Variants in COMMD9 observed in about 807,000 individuals in gnomAD.
COMMD9 encodes the protein COMM domain-containing protein 9.
In COMMD9, 22 loss-of-function variants were observed where a neutral mutation model predicts 23.4. That is an observed-to-expected ratio of 0.94 (90% CI 0.67 to 1.34). The LOEUF is 1.34. COMMD9 is among the 40% of genes most tolerant of loss of function. The probability of loss-of-function intolerance (pLI) is 0.00; values close to 1 mark genes in which losing one functional copy is unlikely to be tolerated. For synonymous variants in COMMD9, 99 were observed against 97.4 expected (o/e 1.02, Z -0.10); for missense variants, 231 against 240.2 (o/e 0.96, Z 0.25).
At chr11:36,286,410 A>AAAAAAAAAAAAAAG (rs1285648187) in intron 1 of COMMD9, among the ~76,000 whole-genome samples, 10 of 104,824 alleles carry the variant, frequency 9.5e-5, no homozygotes, top group African/African-American at 1.2e-4. Context: ...AAAAAAAAAA[A>AAAAAAAAAAAAAAG]AAAGAAAGAA....
intron 1 of COMMD9, among the ~76,000 whole-genome samples, chr11:36,281,051 A>C (rs1200664094): frequency 6.6e-6 from 1 of 152,226 alleles, no homozygotes; most frequent in Non-Finnish European, 1.5e-5. Context: ...GAAAACATAC[A>C]TAAGACTCTG....
At chr11:36,277,240 A>G in intron 3 of COMMD9, 117 bp from the exon 4 acceptor site, 1 of 599,038 alleles carries the variant, frequency 1.7e-6, no homozygotes. Context: ...ACCTGCTAAC[A>G]GGAAAGGACC....
chr11:36,285,745 A>G (rs145267659), intron 1 of COMMD9, among the ~76,000 whole-genome samples: 1,629 of 152,308 alleles, frequency 0.011, 25 homozygotes, highest in African/African-American at 0.038. Flanking sequence ...AGGCTGGTTC[A>G]GTATTTGCAA....
chr11:36,276,086 C>T lies in COMMD9; in HGVS notation c.456+51G>A, dbSNP rs371134786. 182 of 1,334,362 alleles carry T rather than the reference C, an allele frequency of 1.4e-4. 1 individual carries two copies. The highest frequency in any genetic ancestry group is 5.0e-4 in the South Asian group (43 of 85,150). 82.7% of individuals were successfully genotyped at this position (1,334,362 alleles called of 1,614,324 possible). ...AAACCTTGGAGACTAGTGTTTTAGA[C>T]GGCCATAGGGGTGCTGCCTCTTCTT... On this transcript the variant is annotated intron_variant, in intron 5 of 5. Coordinates refer to ENST00000263401, the MANE Select transcript of COMMD9 (RefSeq NM_014186.4).
chr11:36,278,746 T>C lies in COMMD9; in HGVS notation c.178-130A>G, dbSNP rs575707412. On this transcript the variant is annotated intron_variant, in intron 2 of 5. Coordinates refer to ENST00000263401, the MANE Select transcript of COMMD9 (RefSeq NM_014186.4). ...TATGGTCATTCAACTGAGTCACAAGTCCAGAGGCCTCTGTGGCACATGCTC... is the reference window on the plus strand; with the variant it reads ...TATGGTCATTCAACTGAGTCACAAGCCCAGAGGCCTCTGTGGCACATGCTC... 32 of 850,264 alleles carry C rather than the reference T, an allele frequency of 3.8e-5. 1 individual carries two copies. The South Asian group carries it at 5.7e-4, about 15-fold the overall frequency. The allele number at this position is 850,264 out of a possible 1,614,324, so 52.7% of individuals were successfully genotyped here.
chr11:36,277,019 C>G, intron 4 of COMMD9, 70 bp downstream of exon 4: 1 of 1,365,506 alleles, frequency 7.3e-7, no homozygotes, highest in Non-Finnish European at 1.0e-6. Flanking sequence ...AATCTCTGAT[C>G]ACTTGGCAGA....
chr11:36,279,001 C>T (rs1856021916), intron 2 of COMMD9, among the ~76,000 whole-genome samples: 1 of 152,170 alleles, frequency 6.6e-6, no homozygotes, highest in Non-Finnish European at 1.5e-5. Context: ...CTAAGCAACA[C>T]TGCATTGGTC....
rs1855911466 is a variant in COMMD9, at chr11:36,273,444, GTAACAAGCACATA to G, written c.*1175_*1187del. The G allele has an allele frequency of 6.6e-6, 1 of 152,176 alleles. No individual in the cohort carries two copies. The highest frequency in any genetic ancestry group is 1.5e-5 in the Non-Finnish European group (1 of 68,030). 9.4% of individuals were successfully genotyped at this position (152,176 alleles called of 1,614,324 possible). On this transcript the variant is annotated 3_prime_UTR_variant, in exon 6 of 6. Coordinates refer to ENST00000263401, the MANE Select transcript of COMMD9 (RefSeq NM_014186.4). The stretch of plus-strand genomic sequence containing the variant: ...AAGGAGTGCCTTCATCATAGCTCTT[GTAACAAGCACATA>G]CTGATGATTAGCCTTGCTTCCTTTT...
In COMMD9 at chr11:36,280,693, C is replaced by T. The variant is rs774272671; in HGVS notation, c.177+19G>A. The T allele has an allele frequency of 1.7e-5, 26 of 1,566,414 alleles. No homozygotes were observed. Among genetic ancestry groups the T allele is most frequent in the Admixed American group, 1.2e-4 (6 of 51,310 alleles). The stretch of plus-strand genomic sequence containing the variant: ...AATAAGAGGGCCAGTGGCCAAAGAT[C>T]ATTTCTGACCACACTTACTTCCTCT... On this transcript the variant is annotated intron_variant, in intron 2 of 5. Transcript: ENST00000263401.
At position 36,278,454 on chromosome 11, in the gene COMMD9, A is replaced by G. The variant is rs568921070; in HGVS notation, c.317+23T>C. 6.9e-6 allele frequency: 11 copies of G among 1,592,912 alleles called. No individual in the cohort carries two copies. In the African/African-American group the frequency reaches 1.3e-4, roughly 19 times the overall value. On this transcript the variant is annotated intron_variant, in intron 3 of 5. Transcript: ENST00000263401. The stretch of plus-strand genomic sequence containing the variant: ...ATAAGAAATGTAAAAGTTAGAAGGG[A>G]CTTTCAAGAAATGAGCACTTACACA...
chr11:36,286,408 A>AAAAG (rs1856154687), intron 1 of COMMD9, among the ~76,000 whole-genome samples: 2 of 86,234 alleles, frequency 2.3e-5, no homozygotes, highest in Non-Finnish European at 4.6e-5. Flanking sequence ...AAAAAAAAAA[A>AAAAG]AAAAAGAAAG....
intron 1 of COMMD9, among the ~76,000 whole-genome samples, chr11:36,287,822 C>T (rs541904952): frequency 1.1e-4 from 16 of 151,940 alleles, no homozygotes; most frequent in Non-Finnish European, 2.1e-4. Flanking sequence ...AGTGAGGAAG[C>T]AAAGAAAGGG....
intron 1 of COMMD9, 113 bp downstream of exon 1, chr11:36,289,249 C>A: frequency 1.0e-6 from 1 of 994,690 alleles, no homozygotes. Context: ...ACACAGAGAA[C>A]AAGCAGCAGA....
At chr11:36,278,994 A>T (rs1376467323) in intron 2 of COMMD9, among the ~76,000 whole-genome samples, 9 of 152,154 alleles carry the variant, frequency 5.9e-5, no homozygotes, top group Admixed American at 5.2e-4. Context: ...TGTGTTACTA[A>T]GCAACACTGC....
At chr11:36,276,426 G>GCT in intron 4 of COMMD9, 186 bp from the exon 5 acceptor site, 1 of 554,296 alleles carries the variant, frequency 1.8e-6, no homozygotes, top group Non-Finnish European at 3.2e-6. Flanking sequence ...ATTGCTCTGT[G>GCT]CTGCCTGCAC....
chr11:36,284,295 A>T (rs1274949813), intron 1 of COMMD9, among the ~76,000 whole-genome samples: 3 of 152,230 alleles, frequency 2.0e-5, no homozygotes, highest in Admixed American at 2.0e-4. Context: ...CCAGAGACAG[A>T]GAGGGACATT....
intron 3 of COMMD9, 84 bp downstream of exon 3, chr11:36,278,393 G>A: frequency 7.9e-7 from 1 of 1,273,432 alleles, no homozygotes; most frequent in South Asian, 1.3e-5. Flanking sequence ...TTTCAACAAT[G>A]AGCATATTAC....
chr11:36,276,998 G>A, intron 4 of COMMD9, 91 bp downstream of exon 4: 2 of 1,188,878 alleles, frequency 1.7e-6, no homozygotes, highest in Non-Finnish European at 1.2e-6. Context: ...GTTCACTTTG[G>A]TTTCTGCCAA....
At position 36,289,384 on chromosome 11, in the gene COMMD9, G is replaced by C; in HGVS notation, c.29C>G (p.Ala10Gly). ...TACCTTGAGCAGGCTCTGGAGTGCTGCAAAATGCTCCGCTGTCAGGGCAGC... is the reference window on the plus strand; with the variant it reads ...TACCTTGAGCAGGCTCTGGAGTGCTCCAAAATGCTCCGCTGTCAGGGCAGC... Reference protein sequence around the residue: MAALTAEHFAALQSLLKASS... With the variant: MAALTAEHFGALQSLLKASS... The change falls in exon 1 of 6, where the codon GCA becomes GGA. Residue 10 changes from alanine to glycine, a missense_variant. By Grantham distance (60) the Ala-to-Gly change is moderately conservative (BLOSUM62 0). Coordinates refer to ENST00000263401, the MANE Select transcript of COMMD9 (RefSeq NM_014186.4). The C allele has an allele frequency of 1.3e-6, 2 of 1,552,020 alleles. No homozygotes were observed. The highest frequency in any genetic ancestry group is 1.7e-6 in the Non-Finnish European group (2 of 1,147,166).
Sources: allele counts gnomAD v4.1 joint callset (sites outside exome capture counted in the v4.1 genomes callset), GRCh38; gene constraint gnomAD v4.1.1; transcripts MANE v1.5; gene names NCBI Gene and HGNC (gene_info 2026-07-23, HGNC 2026-07-21).